The following SLFN11 variants were observed in gnomAD, a reference collection of about 807,000 sequenced individuals.
SLFN11 encodes the protein schlafen family member 11.
A neutral mutation model predicts 53.4 loss-of-function variants in SLFN11; 43 were observed. The ratio of observed to expected loss-of-function variants is 0.80; its 90% CI spans 0.63 to 1.04. The LOEUF (loss-of-function observed/expected upper bound fraction) is 1.04, where lower values mean the gene tolerates loss of function less well. Ranked by LOEUF, SLFN11 falls within the 50% of genes least tolerant of loss-of-function variation. The pLI is 0.00. For synonymous variants in SLFN11, 389 were observed against 394.7 expected (o/e 0.99, Z 0.17); for missense variants, 990 against 1,079.1 (o/e 0.92, Z 1.16).
intron 3 of SLFN11, among the ~76,000 whole-genome samples, chr17:35,365,823 T>C (rs1597722636): frequency 1.3e-5 from 2 of 152,090 alleles, no homozygotes; most frequent in Admixed American, 1.3e-4. Context: ...TAGATTAAAA[T>C]ATTTTAAAAA....
In SLFN11 at chr17:35,362,724, C is replaced by A; in HGVS notation, c.1069+15G>T. ...TGTAGAAAGGACAGGGAGGGAGGAG[C>A]TTTCTCCCTCTTACCTGGATCTGTG... On this transcript the variant is annotated intron_variant, in intron 4 of 6. Coordinates refer to ENST00000685675, the MANE Select transcript of SLFN11 (RefSeq NM_001376007.1). The A allele has an allele frequency of 6.6e-7, 1 of 1,519,132 alleles. No homozygotes were observed. The highest frequency in any genetic ancestry group is 8.8e-7 in the Non-Finnish European group (1 of 1,132,654). 94.1% of individuals were successfully genotyped at this position (1,519,132 alleles called of 1,614,324 possible).
intron 1 of SLFN11, among the ~76,000 whole-genome samples, chr17:35,373,143 G>C (rs884018): frequency 0.12 from 17,696 of 151,996 alleles, 1,233 homozygotes; most frequent in South Asian, 0.28. Context: ...GGCCTTCTAG[G>C]CTTCGGTTCC....
intron 5 of SLFN11, among the ~76,000 whole-genome samples, chr17:35,355,709 T>C (rs922504538): frequency 6.6e-6 from 1 of 152,120 alleles, no homozygotes; most frequent in Non-Finnish European, 1.5e-5. Context: ...ACAGTAATGA[T>C]AGGGACCAGA....
intron 5 of SLFN11, among the ~76,000 whole-genome samples, chr17:35,359,067 A>G (rs1907871837): frequency 6.6e-6 from 1 of 152,122 alleles, no homozygotes; most frequent in Non-Finnish European, 1.5e-5. Context: ...ATGAATTTAG[A>G]ACAATGTAAA....
At position 35,350,333 on chromosome 17, in the gene SLFN11, C is replaced by T. The variant is rs1377629612; in HGVS notation, c.*2023G>A. On this transcript the variant is annotated 3_prime_UTR_variant, in exon 7 of 7. Coordinates refer to ENST00000685675, the MANE Select transcript of SLFN11 (RefSeq NM_001376007.1). The stretch of plus-strand genomic sequence containing the variant: ...TTTTCAGTTTAATGAGACACAAACT[C>T]TCAACTTTTTATTTAAAACAGAAAT... 1.3e-5 allele frequency: 2 copies of T among 152,130 alleles called. No individual in the cohort carries two copies. The highest frequency in any genetic ancestry group is 2.1e-4 in the South Asian group (1 of 4,834). 9.4% of individuals were successfully genotyped at this position (152,130 alleles called of 1,614,324 possible).
Position 35,353,561 on chromosome 17 carries a change from C to T in SLFN11, c.1697G>A (p.Ser566Asn), listed in dbSNP as rs1907047748. 5 of 1,297,034 alleles carry T rather than the reference C, an allele frequency of 3.9e-6. No homozygotes were observed. The highest frequency in any genetic ancestry group is 5.2e-6 in the Non-Finnish European group (5 of 964,524). The allele number at this position is 1,297,034 out of a possible 1,614,324, so 80.3% of individuals were successfully genotyped here. A position where few individuals can be genotyped will look rare whatever the true frequency, so the allele number is the denominator to read the frequency against. ...IVLLGFRSLL[S>N]DQLGCEVLNL... ...TAAAACCTCACAGCCGAGCTGGTCA[C>T]TCAAGAGAGACCTGAAGCCGAGTAA... Residue 566 changes from serine to asparagine, a missense_variant, in exon 6 of 7, where the codon AGT becomes AAT. Physicochemically the swap from Ser to Asn is conservative, Grantham distance 46. Coordinates refer to ENST00000685675, the MANE Select transcript of SLFN11 (RefSeq NM_001376007.1).
chr17:35,355,622 G>A (rs1346782254), intron 5 of SLFN11, among the ~76,000 whole-genome samples: 1 of 152,044 alleles, frequency 6.6e-6, no homozygotes, highest in East Asian at 1.9e-4. Flanking sequence ...TTCTTTAATT[G>A]TATAATGGAG....
In SLFN11 at chr17:35,353,174, C is replaced by T. The variant is rs186842926; in HGVS notation, c.1923-35G>A. 1.4e-4 allele frequency: 219 copies of T among 1,596,318 alleles called. 1 individual carries two copies. The Middle Eastern group carries it at 1.7e-3, about 12-fold the overall frequency. On this transcript the variant is annotated intron_variant, in intron 6 of 6. Transcript: ENST00000685675. ...TTAAAAGAACACACTCAGGTTTTCT[C>T]TAAAAAAACAAGGGGAGAAAATAAT...
At position 35,351,987 on chromosome 17, in the gene SLFN11, G is replaced by A. The variant is rs1464511256; in HGVS notation, c.*369C>T. On this transcript the variant is annotated 3_prime_UTR_variant, in exon 7 of 7. Transcript: ENST00000685675. ...GACAAATTTTTAAAAGCAACAAACTGCATGAAGTCACTTAAAAAAAGAAGC... is the reference window on the plus strand; with the variant it reads ...GACAAATTTTTAAAAGCAACAAACTACATGAAGTCACTTAAAAAAAGAAGC... 2 of 214,960 alleles carry A rather than the reference G, an allele frequency of 9.3e-6. No individual in the cohort carries two copies. The highest frequency in any genetic ancestry group is 2.3e-5 in the African/African-American group (1 of 43,210). 13.3% of individuals were successfully genotyped at this position (214,960 alleles called of 1,614,324 possible). A position where few individuals can be genotyped will look rare whatever the true frequency, so the allele number is the denominator to read the frequency against.
intron 1 of SLFN11, among the ~76,000 whole-genome samples, chr17:35,369,380 G>GA (rs988659889): frequency 1.3e-5 from 2 of 152,060 alleles, no homozygotes; most frequent in Non-Finnish European, 1.5e-5. Flanking sequence ...TCTGCCTGTG[G>GA]AAAAAGGAGG....
At chr17:35,359,959 T>C in intron 5 of SLFN11, 1 of 310,906 alleles carries the variant, frequency 3.2e-6, no homozygotes, top group Non-Finnish European at 5.9e-6. Context: ...CTTTTAAAAA[T>C]GACCAGAAAC....
intron 5 of SLFN11, 24 bp from the exon 6 acceptor site, chr17:35,354,083 T>C: frequency 6.5e-7 from 1 of 1,546,236 alleles, no homozygotes; most frequent in Non-Finnish European, 8.7e-7. Flanking sequence ...GAATGATAAA[T>C]TAGAGGAAGA....
At chr17:35,357,189 T>C (rs1597705774) in intron 5 of SLFN11, among the ~76,000 whole-genome samples, 1 of 151,138 alleles carries the variant, frequency 6.6e-6, no homozygotes. Flanking sequence ...TGTGTCCTTA[T>C]CAACTTCTGG....
chr17:35,365,506 C>T (rs1480582976), intron 3 of SLFN11, among the ~76,000 whole-genome samples: 1 of 151,958 alleles, frequency 6.6e-6, no homozygotes, highest in Non-Finnish European at 1.5e-5. Context: ...GTTGCCCAGG[C>T]TGGTCTCAAA....
chr17:35,363,953 T>A, intron 3 of SLFN11, 127 bp from the exon 4 acceptor site: 2 of 692,404 alleles, frequency 2.9e-6, no homozygotes, highest in Non-Finnish European at 4.5e-6. Flanking sequence ...CCCTTCTCTT[T>A]AGGAGAAGAA....
intron 1 of SLFN11, among the ~76,000 whole-genome samples, chr17:35,369,492 G>T (rs1369090645): frequency 1.3e-5 from 2 of 152,050 alleles, no homozygotes; most frequent in Admixed American, 1.3e-4. Context: ...CCAGTCCCTG[G>T]CTCCTGGATA....
At chr17:35,356,797 TACACACACACACACAC>T (rs61566848) in intron 5 of SLFN11, among the ~76,000 whole-genome samples, 3 of 140,108 alleles carry the variant, frequency 2.1e-5, no homozygotes, top group Admixed American at 1.4e-4. Flanking sequence ...ATATGTAGCA[TACACACACACACACAC>T]ACACACACAC....
In SLFN11 at chr17:35,353,867, A is replaced by G. The variant is rs1252921825; in HGVS notation, c.1391T>C (p.Ile464Thr). The change falls in exon 6 of 7, where the codon ATA becomes ACA. Residue 464 changes from isoleucine (I) to threonine (T), a missense_variant. By Grantham distance (89) the Ile-to-Thr change is moderately conservative (BLOSUM62 -1). Around this residue, in one of 3 missense-constraint regions of SLFN11, gnomAD observed 156 missense variants for 241.9 expected, o/e 0.64. Transcript: ENST00000685675. ...KPGVICDALL[I>T]AQNSTPILYT... The stretch of plus-strand genomic sequence containing the variant: ...GAGAATGGGGGTGCTGTTCTGTGCT[A>G]TCAGCAGAGCATCACAGATGACTCC... The G allele has an allele frequency of 6.2e-7, 1 of 1,611,766 alleles. No homozygotes were observed. The highest frequency in any genetic ancestry group is 2.2e-5 in the East Asian group (1 of 44,866).
intron 5 of SLFN11, 23 bp from the exon 6 acceptor site, chr17:35,354,082 A>G (rs1246144878): frequency 6.5e-7 from 1 of 1,548,078 alleles, no homozygotes; most frequent in Admixed American, 2.0e-5. Flanking sequence ...AGAATGATAA[A>G]TTAGAGGAAG....
Sources: gnomAD v4.1 joint callset for allele counts (sites outside exome capture counted in the v4.1 genomes callset) on GRCh38, gnomAD v4.1.1 for gene constraint, gnomAD v4.1.1 regional missense constraint, MANE v1.5 for transcripts, NCBI Gene and HGNC (gene_info 2026-07-23, HGNC 2026-07-21) for gene names.